The following NRG3 variants were observed in gnomAD, a reference collection of about 807,000 sequenced individuals.
The protein encoded by NRG3 is neuregulin 3, also known as pro-neuregulin-3, membrane-bound isoform.
In NRG3, 31 loss-of-function variants were observed where a neutral mutation model predicts 66.9. The ratio of observed to expected loss-of-function variants is 0.46; its 90% CI spans 0.35 to 0.63. The LOEUF (loss-of-function observed/expected upper bound fraction) is 0.63, where lower values mean the gene tolerates loss of function less well. Ranked by LOEUF, NRG3 falls within the 20% of genes least tolerant of loss-of-function variation. The pLI is 0.00. For synonymous variants in NRG3, 393 were observed against 359.4 expected (o/e 1.09, Z -1.06); for missense variants, 910 against 878.9 (o/e 1.04, Z -0.45).
chr10:82,062,742 G>C (rs986620722), intron 1 of NRG3, among the ~76,000 whole-genome samples: 8 of 152,112 alleles, frequency 5.3e-5, no homozygotes, highest in African/African-American at 1.9e-4. Context: ...CTGGGGAAAA[G>C]TATCATCATC....
At chr10:82,325,943 A>G (rs764263548) in intron 1 of NRG3, among the ~76,000 whole-genome samples, 3 of 152,182 alleles carry the variant, frequency 2.0e-5, no homozygotes, top group Admixed American at 2.0e-4. Context: ...TTTAAATGAA[A>G]AGATACTTTA....
chr10:82,761,916 T>TTCTGTC (rs1555028656), intron 3 of NRG3, among the ~76,000 whole-genome samples: 11 of 132,786 alleles, frequency 8.3e-5, no homozygotes, highest in African/African-American at 3.8e-4. Flanking sequence ...TCTTCTTTCT[T>TTCTGTC]TCTTTCTCTT....
intron 1 of NRG3, among the ~76,000 whole-genome samples, chr10:82,094,524 A>C (rs1400300078): frequency 6.6e-6 from 1 of 152,214 alleles, no homozygotes; most frequent in African/African-American, 2.4e-5. Flanking sequence ...TTGCTATATC[A>C]AAAAGAAACC....
intron 1 of NRG3, among the ~76,000 whole-genome samples, chr10:82,126,966 A>C (rs1441570203): frequency 6.6e-6 from 1 of 152,060 alleles, no homozygotes; most frequent in Non-Finnish European, 1.5e-5. Context: ...TCACAATGTT[A>C]TAACAGTTTC....
rs1853397822 is a variant in NRG3 at position 82,985,851 on chromosome 10, A to G, written c.*246A>G. The G allele has an allele frequency of 4.8e-6, 2 of 420,324 alleles. No homozygotes were observed. Among genetic ancestry groups the G allele is most frequent in the Non-Finnish European group, 8.5e-6 (2 of 236,078 alleles). The allele number at this position is 420,324 out of a possible 1,614,324, so 26.0% of individuals were successfully genotyped here. A position where few individuals can be genotyped will look rare whatever the true frequency, so the allele number is the denominator to read the frequency against. The stretch of plus-strand genomic sequence containing the variant: ...TCTGAATCCAATTTCGTTTAGTCCC[A>G]ACACTGTCCTCTTTGGCTCTTAGAA... On this transcript the variant is annotated 3_prime_UTR_variant, in exon 9 of 9. Transcript: ENST00000372141.
At chr10:82,670,714 T>C (rs1439017308) in intron 2 of NRG3, among the ~76,000 whole-genome samples, 3 of 151,972 alleles carry the variant, frequency 2.0e-5, no homozygotes, top group Non-Finnish European at 4.4e-5. Flanking sequence ...TTTTCTTGGC[T>C]CTCTTCAAGA....
chr10:82,165,180 G>A (rs1388646301), intron 1 of NRG3, among the ~76,000 whole-genome samples: 1 of 152,048 alleles, frequency 6.6e-6, no homozygotes, highest in Admixed American at 6.6e-5. Flanking sequence ...ATTTATAAAT[G>A]TGGTAGCTTT....
rs935744035 is a variant in NRG3, at chr10:82,406,806, A to T, written c.953+47938A>T. Reference sequence around the variant, plus strand: ...GACTTAGAAACTAGGTCTTTTGTACATTGAGACAGGTACCGTTTTCCTCTA... The same window carrying T: ...GACTTAGAAACTAGGTCTTTTGTACTTTGAGACAGGTACCGTTTTCCTCTA... On this transcript the variant is annotated intron_variant, in intron 2 of 8. Coordinates refer to ENST00000372141, the MANE Select transcript of NRG3 (RefSeq NM_001010848.4). 3.9e-5 allele frequency among the ~76,000 whole-genome samples: 6 copies of T among 152,114 alleles called. No homozygotes were observed. In the South Asian group the frequency reaches 8.3e-4, roughly 21 times the overall value.
chr10:82,035,180 T>A (rs1238288811), intron 1 of NRG3, among the ~76,000 whole-genome samples: 1 of 151,696 alleles, frequency 6.6e-6, no homozygotes, highest in African/African-American at 2.4e-5. Context: ...TTCCAGAGAG[T>A]GAGGACTGAC....
intron 2 of NRG3, among the ~76,000 whole-genome samples, chr10:82,526,381 G>GA (rs926210073): frequency 2.0e-5 from 3 of 151,524 alleles, no homozygotes; most frequent in Non-Finnish European, 4.4e-5. Context: ...CAGGGTGGTT[G>GA]AAAAAATGAA....
chr10:82,434,911 T>C (rs1235828551), intron 2 of NRG3, among the ~76,000 whole-genome samples: 2 of 152,168 alleles, frequency 1.3e-5, no homozygotes, highest in African/African-American at 4.8e-5. Context: ...TTTTCTTTTT[T>C]TGTTATGTGT....
intron 1 of NRG3, among the ~76,000 whole-genome samples, chr10:82,336,082 A>T (rs912120176): frequency 7.2e-5 from 11 of 152,208 alleles, no homozygotes; most frequent in African/African-American, 2.7e-4. Context: ...AACATGTGGC[A>T]GACCAGATTT....
At chr10:81,902,548 G>C (rs1844178082) in intron 1 of NRG3, among the ~76,000 whole-genome samples, 1 of 152,174 alleles carries the variant, frequency 6.6e-6, no homozygotes, top group Non-Finnish European at 1.5e-5. Flanking sequence ...ATGTCTGTAA[G>C]CCAGGAAGGT....
In NRG3 at chr10:82,291,155, A is replaced by AACAC. The variant is rs139150473; in HGVS notation, c.824-67569_824-67566dup. ...CAAGGTTGTAGAGTACAAGATTAACAACACACACACACACACACGCACGCA... is the reference window on the plus strand; with the variant it reads ...CAAGGTTGTAGAGTACAAGATTAACAACACACACACACACACACACACGCACGCA... On this transcript the variant is annotated intron_variant, in intron 1 of 8. Transcript: ENST00000372141. 7.7e-3 allele frequency among the ~76,000 whole-genome samples: 1,158 copies of AACAC among 150,462 alleles called. 12 individuals carry two copies. The highest frequency in any genetic ancestry group is 0.018 in the African/African-American group (719 of 41,060).
intron 4 of NRG3, among the ~76,000 whole-genome samples, chr10:82,877,117 C>T (rs1036133279): frequency 6.6e-6 from 1 of 151,836 alleles, no homozygotes; most frequent in Non-Finnish European, 1.5e-5. Context: ...ACAGTTGCTT[C>T]AGGAGCTAGG....
intron 5 of NRG3, among the ~76,000 whole-genome samples, chr10:82,951,998 A>G (rs934026366): frequency 3.3e-5 from 5 of 152,256 alleles, no homozygotes; most frequent in Admixed American, 2.0e-4. Flanking sequence ...AGTTTTTCAT[A>G]AAGATTTTAG....
At chr10:82,727,890 C>T (rs917753395) in intron 2 of NRG3, among the ~76,000 whole-genome samples, 4 of 152,174 alleles carry the variant, frequency 2.6e-5, no homozygotes, top group African/African-American at 9.7e-5. Context: ...CCACCTCTCA[C>T]ATCATTGTGA....
At chr10:82,543,594 A>C (rs2043694386) in intron 2 of NRG3, among the ~76,000 whole-genome samples, 1 of 152,194 alleles carries the variant, frequency 6.6e-6, no homozygotes. Context: ...CCTGAGAGTT[A>C]GAAAAGATAA....
chr10:82,379,167 T>C (rs2085449767), intron 2 of NRG3, among the ~76,000 whole-genome samples: 1 of 152,034 alleles, frequency 6.6e-6, no homozygotes, highest in East Asian at 1.9e-4. Context: ...TTTGGTAGTG[T>C]TGAGAGGGGT....
Sources: gnomAD v4.1 joint callset for allele counts (sites outside exome capture counted in the v4.1 genomes callset) on GRCh38, gnomAD v4.1.1 for gene constraint, MANE v1.5 for transcripts, NCBI Gene and HGNC (gene_info 2026-07-23, HGNC 2026-07-21) for gene names.